DGKG: variants seen among roughly 807,000 people sequenced by gnomAD.
DGKG encodes DAG kinase gamma.
Under a neutral mutation model 105.3 loss-of-function variants are expected in DGKG, and 78 were observed. That is an observed-to-expected ratio of 0.74 (90% CI 0.62 to 0.89). The LOEUF (loss-of-function observed/expected upper bound fraction) is 0.89. Ranked by LOEUF, DGKG falls within the 40% of genes least tolerant of loss-of-function variation. The probability of loss-of-function intolerance (pLI) is 0.00; values close to 1 mark genes in which losing one functional copy is unlikely to be tolerated. For missense variants in DGKG, 958 were observed against 1,020.1 expected, an observed-to-expected ratio of 0.94 and a Z score of 0.83; for synonymous variants, 346 against 367.1, an observed-to-expected ratio of 0.94 and a Z score of 0.66.
In DGKG at chr3:186,203,731, G is replaced by A. The variant is rs1318236933; in HGVS notation, c.1917+8064C>T. On this transcript the variant is annotated intron_variant, in intron 21 of 24. Transcript: ENST00000265022. The surrounding 1 kb of genome is among the most constrained non-coding windows in gnomAD (Gnocchi z 4.9). ...ACTCCATGGTTTGATATGTAATCAG[G>A]TTGGCCCTCTTATTTTCCACGAACT... Among the ~76,000 whole-genome samples, 1 of 152,208 alleles carries A rather than the reference G, an allele frequency of 6.6e-6. No individual in the cohort carries two copies. Among genetic ancestry groups the A allele is most frequent in the African/African-American group, 2.4e-5 (1 of 41,446 alleles).
intron 24 of DGKG, among the ~76,000 whole-genome samples, chr3:186,153,916 G>A (rs1233025112): frequency 6.6e-6 from 1 of 152,120 alleles, no homozygotes; most frequent in Non-Finnish European, 1.5e-5. Context: ...ACCAGCCTGG[G>A]GAACATGGTG....
At chr3:186,213,969 A>G (rs1719159453) in intron 20 of DGKG, among the ~76,000 whole-genome samples, 1 of 152,230 alleles carries the variant, frequency 6.6e-6, no homozygotes, top group African/African-American at 2.4e-5. Context: ...GTCAAAGCTG[A>G]GCATTCCTTT....
At chr3:186,298,328 T>C in intron 3 of DGKG, 99 bp from the exon 4 acceptor site, 1 of 1,180,246 alleles carries the variant, frequency 8.5e-7, no homozygotes, top group Non-Finnish European at 1.2e-6. Context: ...GTGAAAGGAA[T>C]GGAAAGGGAG....
At chr3:186,303,295 C>A (rs1724064632) in intron 3 of DGKG, among the ~76,000 whole-genome samples, 1 of 152,160 alleles carries the variant, frequency 6.6e-6, no homozygotes, top group Non-Finnish European at 1.5e-5. Flanking sequence ...ACCAGATGAC[C>A]AACCACTATG....
At chr3:186,196,713 C>T (rs779099033) in intron 21 of DGKG, among the ~76,000 whole-genome samples, 19 of 152,144 alleles carry the variant, frequency 1.2e-4, no homozygotes, top group Admixed American at 8.5e-4. Flanking sequence ...AATGGGAAAG[C>T]AACATGGGAC....
chr3:186,194,714 C>T (rs1191055047), intron 21 of DGKG, among the ~76,000 whole-genome samples: 3 of 149,500 alleles, frequency 2.0e-5, no homozygotes, highest in Non-Finnish European at 4.4e-5. Context: ...CATGTGTCCC[C>T]TTTCTGCTGG....
chr3:186,289,150 T>C, intron 5 of DGKG, among the ~76,000 whole-genome samples: 1 of 152,198 alleles, frequency 6.6e-6, no homozygotes, highest in East Asian at 1.9e-4. Flanking sequence ...GAAAAGATGA[T>C]AGTGATTATT....
chr3:186,320,406 C>T lies in DGKG; in HGVS notation c.54G>A (p.Gln18=), dbSNP rs1560153126. Residue 18 remains glutamine (Q), a synonymous_variant, in exon 2 of 25, where the codon CAG becomes CAA. Transcript: ENST00000265022. ...SLTPEEFDQL[Q]KYSEYSSKKI... ...GCATTTACTCACATTCTGAATATTT[C>T]TGGAGTTGGTCAAATTCTTCTGGAG... The T allele has an allele frequency of 6.2e-7, 1 of 1,614,164 alleles. No individual in the cohort carries two copies. The highest frequency in any genetic ancestry group is 8.5e-7 in the Non-Finnish European group (1 of 1,180,024).
intron 20 of DGKG, among the ~76,000 whole-genome samples, chr3:186,225,132 T>C (rs555140057): frequency 9.2e-5 from 14 of 151,742 alleles, no homozygotes; most frequent in Non-Finnish European, 1.9e-4. Flanking sequence ...TCTCACTCCA[T>C]TGCCCAGGCT....
In DGKG at chr3:186,207,813, C is replaced by G. The variant is rs548973348; in HGVS notation, c.1917+3982G>C. ...CAGGAGTGATTTGACTCACGTGGCT[C>G]TGCAGGACTCCTTGCATCTAGTTTC... On this transcript the variant is annotated intron_variant, in intron 21 of 24. Transcript: ENST00000265022. 7.2e-5 allele frequency among the ~76,000 whole-genome samples: 11 copies of G among 152,344 alleles called. No individual in the cohort carries two copies. In the East Asian group the frequency reaches 2.1e-3, roughly 29 times the overall value.
Position 186,225,392 on chromosome 3 carries a change from C to T in DGKG, c.1827-13507G>A, listed in dbSNP as rs75969512. On this transcript the variant is annotated intron_variant, in intron 20 of 24. Coordinates refer to ENST00000265022, the MANE Select transcript of DGKG (RefSeq NM_001346.3). ...ATTTATAGCACCAATAATTTGTGACCAAGGTCAAGCAAGAAAAATAAATAA... is the reference window on the plus strand; with the variant it reads ...ATTTATAGCACCAATAATTTGTGACTAAGGTCAAGCAAGAAAAATAAATAA... 7.8e-3 allele frequency among the ~76,000 whole-genome samples: 1,181 copies of T among 152,142 alleles called. 14 individuals carry two copies. The highest frequency in any genetic ancestry group is 0.026 in the African/African-American group (1,072 of 41,496).
chr3:186,289,983 G>A (rs972119441), intron 5 of DGKG, among the ~76,000 whole-genome samples: 12 of 152,188 alleles, frequency 7.9e-5, no homozygotes, highest in Admixed American at 2.0e-4. Context: ...TGAGGAGGGA[G>A]TTAACCATCA....
At chr3:186,171,512 C>A (rs770074720) in intron 22 of DGKG, among the ~76,000 whole-genome samples, 3 of 152,166 alleles carry the variant, frequency 2.0e-5, no homozygotes, top group Admixed American at 6.5e-5. Flanking sequence ...TACTTTAAAT[C>A]ATCTCTAGCT....
At chr3:186,174,652 CTGTGTG>C (rs67342971) in intron 22 of DGKG, among the ~76,000 whole-genome samples, 2,368 of 145,852 alleles carry the variant, frequency 0.016, 37 homozygotes, top group African/African-American at 0.03. Context: ...TTCCCTGCGG[CTGTGTG>C]TGTGTGTGTG....
intron 1 of DGKG, among the ~76,000 whole-genome samples, chr3:186,354,339 A>T (rs1726799004): frequency 2.0e-5 from 3 of 152,218 alleles, no homozygotes. Flanking sequence ...GCATCTAAGG[A>T]TCAAAGTGGC....
chr3:186,297,363 T>C, intron 5 of DGKG, 58 bp downstream of exon 5: 2 of 1,328,240 alleles, frequency 1.5e-6, no homozygotes, highest in South Asian at 2.3e-5. Flanking sequence ...TCCCCACTTC[T>C]CCCCAAGGAT....
At chr3:186,353,459 C>T (rs1349942668) in intron 1 of DGKG, among the ~76,000 whole-genome samples, 3 of 151,468 alleles carry the variant, frequency 2.0e-5, no homozygotes, top group African/African-American at 7.3e-5. Context: ...GCAGAGGTTA[C>T]AGTGAGCCAA....
chr3:186,193,914 GGAAC>G (rs1221959390), intron 21 of DGKG, among the ~76,000 whole-genome samples: 1 of 152,244 alleles, frequency 6.6e-6, no homozygotes, highest in Non-Finnish European at 1.5e-5. Flanking sequence ...TGCGCTGGGC[GGAAC>G]CAGGGATTTA....
intron 1 of DGKG, among the ~76,000 whole-genome samples, chr3:186,336,852 A>G (rs1171093378): frequency 6.6e-6 from 1 of 152,220 alleles, no homozygotes; most frequent in Non-Finnish European, 1.5e-5. Context: ...ATTATGAGAC[A>G]CTACTATATT....
Sources: allele counts gnomAD v4.1 joint callset (sites outside exome capture counted in the v4.1 genomes callset), GRCh38; gene constraint gnomAD v4.1.1; non-coding constraint Gnocchi (gnomAD v3.1); transcripts MANE v1.5; gene names NCBI Gene and HGNC (gene_info 2026-07-23, HGNC 2026-07-21).